The following SLC12A8 variants were observed in gnomAD, a reference collection of about 807,000 sequenced individuals.
SLC12A8 encodes solute carrier family 12 member 8.
SLC12A8 carries 69 observed loss-of-function variants against 75.6 expected under a neutral mutation model. The ratio of observed to expected loss-of-function variants is 0.91; its 90% CI spans 0.75 to 1.11. The LOEUF is 1.11. Ranked by LOEUF, SLC12A8 falls within the 50% of genes most tolerant of loss-of-function variation. The pLI, the probability that SLC12A8 is intolerant of heterozygous loss-of-function variation, is 0.00. For missense variants in SLC12A8, 877 were observed against 896.7 expected, an observed-to-expected ratio of 0.98 and a Z score of 0.28; for synonymous variants, 365 against 372.8, an observed-to-expected ratio of 0.98 and a Z score of 0.24.
chr3:125,177,616 G>C (rs1173388335), intron 5 of SLC12A8, 127 bp downstream of exon 5: 1 of 670,348 alleles, frequency 1.5e-6, no homozygotes, highest in Non-Finnish European at 2.5e-6. Flanking sequence ...TCCAGGAACA[G>C]CTCACACCAA....
At chr3:125,106,439 T>C (rs2107741053) in intron 10 of SLC12A8, among the ~76,000 whole-genome samples, 1 of 152,144 alleles carries the variant, frequency 6.6e-6, no homozygotes, top group Non-Finnish European at 1.5e-5. Context: ...CTTGGCTCAC[T>C]GCAACCTCTG....
intron 6 of SLC12A8, 54 bp from the exon 7 acceptor site, chr3:125,120,740 T>A: frequency 1.5e-6 from 2 of 1,370,722 alleles, no homozygotes; most frequent in Non-Finnish European, 2.1e-6. Flanking sequence ...ACGCATCGCC[T>A]TCCCCAGGGC....
At chr3:125,142,846 C>T (rs77007951) in intron 5 of SLC12A8, among the ~76,000 whole-genome samples, 390 of 152,334 alleles carry the variant, frequency 2.6e-3, no homozygotes, top group African/African-American at 8.8e-3. Context: ...GACACACTGT[C>T]CAAATACACA....
At chr3:125,146,814 C>T (rs1228067554) in intron 5 of SLC12A8, among the ~76,000 whole-genome samples, 2 of 152,224 alleles carry the variant, frequency 1.3e-5, no homozygotes, top group Non-Finnish European at 2.9e-5. Flanking sequence ...TAAGTTTGTA[C>T]ATTTTTTGTA....
intron 10 of SLC12A8, among the ~76,000 whole-genome samples, chr3:125,092,814 G>C (rs1560048423): frequency 6.6e-6 from 1 of 152,196 alleles, no homozygotes; most frequent in Non-Finnish European, 1.5e-5. Context: ...TCAGAGCTAT[G>C]TCATGTTCTA....
intron 6 of SLC12A8, among the ~76,000 whole-genome samples, chr3:125,133,641 G>A (rs529212406): frequency 6.6e-6 from 1 of 152,210 alleles, no homozygotes; most frequent in South Asian, 2.1e-4. Context: ...GGCCAGGCTG[G>A]TCTCAAACTC....
rs1336321478 is a variant in SLC12A8 at position 125,127,970 on chromosome 3, G to A, written c.737-7284C>T. ...TGGCTCACTGCAACCTCCACCTCCC[G>A]GGCTCAAGTGATTCTCCTGCCTCAG... On this transcript the variant is annotated intron_variant, in intron 6 of 13. Transcript: ENST00000469902. Among the ~76,000 whole-genome samples, 16 of 151,770 alleles carry A rather than the reference G, an allele frequency of 1.1e-4. No individual in the cohort carries two copies. The East Asian group carries it at 1.9e-3, about 18-fold the overall frequency.
chr3:125,150,426 T>G (rs977761271), intron 5 of SLC12A8, among the ~76,000 whole-genome samples: 1 of 152,196 alleles, frequency 6.6e-6, no homozygotes, highest in Non-Finnish European at 1.5e-5. Flanking sequence ...AAATTAACCC[T>G]TTACAGATCA....
At chr3:125,117,736 G>A (rs764103723) in intron 8 of SLC12A8, among the ~76,000 whole-genome samples, 1 of 152,236 alleles carries the variant, frequency 6.6e-6, no homozygotes, top group African/African-American at 2.4e-5. Flanking sequence ...TTTTCTCCAA[G>A]AACTTAAAGG....
At chr3:125,140,751 G>A (rs1008846253) in intron 5 of SLC12A8, among the ~76,000 whole-genome samples, 12 of 149,710 alleles carry the variant, frequency 8.0e-5, no homozygotes, top group African/African-American at 2.5e-4. Context: ...GCAGGGTCTC[G>A]CTCTATCACC....
rs559199493 is a variant in SLC12A8 at position 125,169,608 on chromosome 3, G to A, written c.622+8135C>T. 5.9e-5 allele frequency among the ~76,000 whole-genome samples: 9 copies of A among 152,238 alleles called. No homozygotes were observed. The East Asian group carries it at 1.5e-3, about 26-fold the overall frequency. ...TCTGCACCTGAGTATGAGGCTGCCA[G>A]CCCCTTTGCCCACCTCCACTCTGCT... is the stretch of plus-strand genomic sequence containing the variant. On this transcript the variant is annotated intron_variant, in intron 5 of 13. Coordinates refer to ENST00000469902, the MANE Select transcript of SLC12A8 (RefSeq NM_024628.6).
At chr3:125,109,535 C>T (rs973989954) in intron 9 of SLC12A8, among the ~76,000 whole-genome samples, 1 of 152,134 alleles carries the variant, frequency 6.6e-6, no homozygotes, top group Admixed American at 6.6e-5. Flanking sequence ...TCTGGGGTAC[C>T]CCAACAAGAC....
intron 5 of SLC12A8, among the ~76,000 whole-genome samples, chr3:125,173,748 A>G (rs1346183915): frequency 1.3e-5 from 2 of 152,228 alleles, no homozygotes; most frequent in African/African-American, 4.8e-5. Flanking sequence ...AATTTGCAAA[A>G]CACACATCTG....
intron 7 of SLC12A8, 75 bp downstream of exon 7, chr3:125,120,523 AG>A: frequency 9.6e-7 from 1 of 1,045,920 alleles, no homozygotes; most frequent in Admixed American, 1.9e-5. Flanking sequence ...TCAGAACAAA[AG>A]GGGCAATCCC....
chr3:125,154,981 T>C (rs1934015720), intron 5 of SLC12A8: 1 of 152,172 alleles, frequency 6.6e-6, no homozygotes, highest in African/African-American at 2.4e-5. Context: ...AGGTACTAAG[T>C]GACTGATGGC....
chr3:125,209,163 C>T (rs2107807222), intron 2 of SLC12A8, among the ~76,000 whole-genome samples: 1 of 152,192 alleles, frequency 6.6e-6, no homozygotes, highest in East Asian at 1.9e-4. Context: ...TTTTAGCCAC[C>T]TAACTTACTC....
rs924221693 is a variant in SLC12A8 at position 125,211,413 on chromosome 3, C to T, written c.-45-19G>A. On this transcript the variant is annotated intron_variant, in intron 1 of 13. Coordinates refer to ENST00000469902, the MANE Select transcript of SLC12A8 (RefSeq NM_024628.6). ...GACTGCTCTGGAAGGTAACAGCATC[C>T]TTGGTCAGGCTGGCTTCTCCTCTCC... 2.2e-6 allele frequency: 3 copies of T among 1,366,992 alleles called. No individual in the cohort carries two copies. The highest frequency in any genetic ancestry group is 1.0e-6 in the Non-Finnish European group (1 of 955,830). 84.7% of individuals were successfully genotyped at this position (1,366,992 alleles called of 1,614,324 possible).
chr3:125,123,845 T>A (rs751757632), intron 6 of SLC12A8, among the ~76,000 whole-genome samples: 15 of 152,208 alleles, frequency 9.9e-5, no homozygotes, highest in Admixed American at 1.3e-4. Flanking sequence ...GCCATTGTTG[T>A]ACCTCCTACA....
chr3:125,107,904 G>A lies in SLC12A8; in HGVS notation c.1282C>T (p.His428Tyr), dbSNP rs1182208726. 1.9e-6 allele frequency: 3 copies of A among 1,614,182 alleles called. No individual in the cohort carries two copies. The highest frequency in any genetic ancestry group is 1.7e-5 in the Admixed American group (1 of 60,024). ...TCTAAGAGCAGGTGCTCAGAGCAGTGGAGGCCTTCTGCGCCCTCCCTGAGC... is the reference window on the plus strand; with the variant it reads ...TCTAAGAGCAGGTGCTCAGAGCAGTAGAGGCCTTCTGCGCCCTCCCTGAGC... ...PVLREGAEGL[H>Y]CSEHLLLEKA... Residue 428 changes from histidine to tyrosine, a missense_variant, in exon 10 of 14, where the codon CAC becomes TAC. Coordinates refer to ENST00000469902, the MANE Select transcript of SLC12A8 (RefSeq NM_024628.6).
Sources: gnomAD v4.1 joint callset for allele counts (sites outside exome capture counted in the v4.1 genomes callset) on GRCh38, gnomAD v4.1.1 for gene constraint, MANE v1.5 for transcripts, NCBI Gene and HGNC (gene_info 2026-07-23, HGNC 2026-07-21) for gene names.